Variants in SNX29 observed in about 807,000 individuals in gnomAD.
SNX29 encodes the protein sorting nexin 29.
SNX29 carries 78 observed loss-of-function variants against 102.1 expected under a neutral mutation model. That is an observed-to-expected ratio of 0.76 (90% CI 0.64 to 0.92). SNX29 has a LOEUF of 0.92. Among genes scored for constraint, SNX29 ranks in the 40% least tolerant of loss-of-function variants. The probability of loss-of-function intolerance (pLI) is 0.00; values close to 1 mark genes in which losing one functional copy is unlikely to be tolerated. For synonymous variants in SNX29, 580 were observed against 414.5 expected (o/e 1.40, Z -4.85); for missense variants, 1,280 against 1,061.7 (o/e 1.21, Z -2.86).
At chr16:12,405,562 TTC>T (rs1194197250) in intron 18 of SNX29, among the ~76,000 whole-genome samples, 9 of 152,302 alleles carry the variant, frequency 5.9e-5, no homozygotes, top group African/African-American at 2.2e-4. Context: ...GCAATTATTT[TTC>T]TCTTTTTAGC....
chr16:12,490,892 G>C (rs1201779681), intron 19 of SNX29, among the ~76,000 whole-genome samples: 1 of 152,358 alleles, frequency 6.6e-6, no homozygotes, highest in Non-Finnish European at 1.5e-5. Context: ...TGTAAATACA[G>C]CTAAACCCTC....
intron 11 of SNX29, chr16:12,088,167 G>A: frequency 6.6e-6 from 3 of 455,552 alleles, no homozygotes; most frequent in South Asian, 3.1e-5. Flanking sequence ...CAGTGTCACT[G>A]TTTGGGCCAG....
intron 20 of SNX29, among the ~76,000 whole-genome samples, chr16:12,566,830 T>G (rs1475528231): frequency 6.6e-6 from 1 of 152,238 alleles, no homozygotes; most frequent in Non-Finnish European, 1.5e-5. Flanking sequence ...TCCGGCTTTG[T>G]TCAAGGTCAA....
At chr16:12,125,027 C>T (rs1482943580) in intron 11 of SNX29, among the ~76,000 whole-genome samples, 1 of 152,172 alleles carries the variant, frequency 6.6e-6, no homozygotes, top group African/African-American at 2.4e-5. Flanking sequence ...CTGCGCGGCT[C>T]AGGGGAGAGG....
chr16:12,073,342 A>C (rs1399670519), intron 10 of SNX29, among the ~76,000 whole-genome samples: 1 of 151,720 alleles, frequency 6.6e-6, no homozygotes, highest in Non-Finnish European at 1.5e-5. Context: ...CACTGCTTCA[A>C]ATGTGTCCCA....
At chr16:12,539,258 C>G (rs549515748) in intron 20 of SNX29, among the ~76,000 whole-genome samples, 4 of 152,318 alleles carry the variant, frequency 2.6e-5, no homozygotes, top group African/African-American at 7.2e-5. Context: ...CTGTTTTCCC[C>G]TCATTTCCTT....
At chr16:12,203,594 G>T (rs2076973059) in intron 14 of SNX29, among the ~76,000 whole-genome samples, 1 of 152,220 alleles carries the variant, frequency 6.6e-6, no homozygotes, top group African/African-American at 2.4e-5. Context: ...CTGTCAGGTG[G>T]ACTGGTGGTA....
chr16:12,248,624 C>T (rs2078331778), intron 14 of SNX29, among the ~76,000 whole-genome samples: 1 of 151,948 alleles, frequency 6.6e-6, no homozygotes, highest in African/African-American at 2.4e-5. Flanking sequence ...CCAGATTGGC[C>T]AGGCTGGTCT....
chr16:12,282,083 C>CA (rs758827865), intron 15 of SNX29, among the ~76,000 whole-genome samples: 38,674 of 62,102 alleles, frequency 0.62, 13,154 homozygotes, highest in Non-Finnish European at 0.73. Context: ...GACTCCATCT[C>CA]AAAAAAAAAA....
intron 13 of SNX29, among the ~76,000 whole-genome samples, chr16:12,145,247 A>G (rs1296602858): frequency 6.6e-6 from 1 of 152,108 alleles, no homozygotes; most frequent in East Asian, 1.9e-4. Context: ...CAGCATAACA[A>G]CTCAAAATGG....
intron 18 of SNX29, among the ~76,000 whole-genome samples, chr16:12,433,847 A>G (rs1226737303): frequency 6.6e-6 from 1 of 152,096 alleles, no homozygotes; most frequent in Non-Finnish European, 1.5e-5. Context: ...AACCCAGAAA[A>G]CTAATGATCA....
intron 13 of SNX29, among the ~76,000 whole-genome samples, chr16:12,195,873 G>C (rs1199337499): frequency 6.6e-6 from 1 of 152,118 alleles, no homozygotes; most frequent in African/African-American, 2.4e-5. Flanking sequence ...GTGTGTGGCA[G>C]AGAGGAGAGG....
Position 11,983,603 on chromosome 16 carries a change from A to G in SNX29, c.7+6790A>G, listed in dbSNP as rs555432401. 30 of 969,928 alleles carry G rather than the reference A, an allele frequency of 3.1e-5. No homozygotes were observed. In the East Asian group the frequency reaches 9.1e-4, roughly 30 times the overall value. The allele number at this position is 969,928 out of a possible 1,614,324, so 60.1% of individuals were successfully genotyped here. On this transcript the variant is annotated intron_variant, in intron 1 of 20. Coordinates refer to ENST00000566228, the MANE Select transcript of SNX29 (RefSeq NM_032167.5). Reference sequence around the variant, plus strand: ...TCTATGATGGTGGAATGCAAGAAGTACATGTTCTACCATCAGCAAACAGTT... The same window carrying G: ...TCTATGATGGTGGAATGCAAGAAGTGCATGTTCTACCATCAGCAAACAGTT...
intron 18 of SNX29, among the ~76,000 whole-genome samples, chr16:12,438,431 C>CG (rs1853693859): frequency 6.6e-6 from 1 of 152,022 alleles, no homozygotes; most frequent in Admixed American, 6.5e-5. Flanking sequence ...TTCATTTACC[C>CG]GCTCACTCCA....
chr16:12,566,040 TTGAA>T, intron 20 of SNX29, among the ~76,000 whole-genome samples: 1 of 152,352 alleles, frequency 6.6e-6, no homozygotes, highest in Non-Finnish European at 1.5e-5. Context: ...GGTCATGTGT[TTGAA>T]TGTTCACTGT....
At chr16:12,155,125 C>T (rs1007688164) in intron 13 of SNX29, among the ~76,000 whole-genome samples, 1 of 152,082 alleles carries the variant, frequency 6.6e-6, no homozygotes, top group Non-Finnish European at 1.5e-5. Context: ...GCTTGTCCTG[C>T]CCCCGTTGGT....
intron 18 of SNX29, among the ~76,000 whole-genome samples, chr16:12,411,446 T>A (rs777744139): frequency 1.3e-5 from 2 of 152,210 alleles, no homozygotes; most frequent in African/African-American, 2.4e-5. Context: ...CAGGAAAGCC[T>A]GATGTAGGTG....
chr16:12,296,868 G>A (rs927810471), intron 15 of SNX29, among the ~76,000 whole-genome samples: 1 of 152,222 alleles, frequency 6.6e-6, no homozygotes, highest in African/African-American at 2.4e-5. Context: ...CTCTATGCCA[G>A]GGTTCTCAAC....
intron 15 of SNX29, among the ~76,000 whole-genome samples, chr16:12,329,141 G>A (rs550044216): frequency 4.6e-5 from 7 of 151,856 alleles, no homozygotes; most frequent in Admixed American, 1.3e-4. Flanking sequence ...GCTGGGCATG[G>A]TGGTGCGTAC....
Sources: allele counts gnomAD v4.1 joint callset (sites outside exome capture counted in the v4.1 genomes callset), GRCh38; gene constraint gnomAD v4.1.1; transcripts MANE v1.5; gene names NCBI Gene and HGNC (gene_info 2026-07-23, HGNC 2026-07-21).